Variants in REC8 observed in about 807,000 individuals in gnomAD.
The protein encoded by REC8 is REC8 meiotic recombination protein, also known as meiotic recombination protein REC8 homolog.
A neutral mutation model predicts 78.3 loss-of-function variants in REC8; 42 were observed. That is an observed-to-expected ratio of 0.54 (90% CI 0.42 to 0.69). The LOEUF (loss-of-function observed/expected upper bound fraction) is 0.69, where lower values mean the gene tolerates loss of function less well. Ranked by LOEUF, REC8 falls within the 30% of genes least tolerant of loss-of-function variation. REC8 has a pLI of 0.00. For missense variants in REC8, 581 were observed against 715.8 expected, an observed-to-expected ratio of 0.81 and a Z score of 2.15; for synonymous variants, 268 against 274.1, an observed-to-expected ratio of 0.98 and a Z score of 0.22.
chr14:24,172,953 G>A lies in REC8; in HGVS notation c.180G>A (p.Leu60=), dbSNP rs771866577. Residue 60 remains leucine, a synonymous_variant, in exon 3 of 19, where the codon CTG becomes CTA. Transcript: ENST00000611366. ...GAGTGCAACCCCCGCAGCCCGGCCT[G>A]CCGCGGCCCCGCTTCTCCCTCTATC... is the stretch of plus-strand genomic sequence containing the variant. ...LVRVQPPQPG[L]PRPRFSLYLS... 6.2e-7 allele frequency: 1 copy of A among 1,610,376 alleles called. No homozygotes were observed. The highest frequency in any genetic ancestry group is 8.5e-7 in the Non-Finnish European group (1 of 1,180,012).
intron 15 of REC8, 114 bp downstream of exon 15, chr14:24,179,247 A>C: frequency 8.3e-7 from 1 of 1,205,336 alleles, no homozygotes; most frequent in Non-Finnish European, 1.2e-6. Flanking sequence ...GTGTGACATA[A>C]GGAAGCACGG....
downstream of REC8, chr14:24,180,487 A>AGGCAGTGAGCCCAGAGCTGCTT: frequency 6.2e-7 from 1 of 1,613,868 alleles, no homozygotes; most frequent in Non-Finnish European, 8.5e-7. Flanking sequence ...CCTTGTCAAC[A>AGGCAGTGAGCCCAGAGCTGCTT]GGCAGTGAGC....
In REC8 at chr14:24,172,502, CA is replaced by C. The variant is rs2038709973; in HGVS notation, c.-50del. On this transcript the variant is annotated 5_prime_UTR_variant, in exon 1 of 19. Transcript: ENST00000611366. ...TTCTGTGCCCTAAAGAATTCCGACT[CA>C]GATCCGAACGGGGATCTGGTGGAAT... The C allele has an allele frequency of 6.4e-7, 1 of 1,568,998 alleles. No individual in the cohort carries two copies. The highest frequency in any genetic ancestry group is 8.7e-7 in the Non-Finnish European group (1 of 1,149,194).
At chr14:24,176,354 GCT>G (rs1491480957) in intron 6 of REC8, among the ~76,000 whole-genome samples, 87 of 119,756 alleles carry the variant, frequency 7.3e-4, no homozygotes, top group African/African-American at 2.8e-3. Flanking sequence ...ACCATACTCG[GCT>G]TTTTTTTTTT....
intron 3 of REC8, 42 bp from the exon 4 acceptor site, chr14:24,173,084 G>C (rs1185328536): frequency 6.2e-7 from 1 of 1,612,368 alleles, no homozygotes; most frequent in Non-Finnish European, 8.5e-7. Flanking sequence ...CTGAGCAGCT[G>C]TCTGCTAAGC....
rs777199091 is a variant in REC8, at chr14:24,172,742, T to C, written c.86T>C (p.Val29Ala). ...GCGGCGACTCGCGGCAGCCGGTTGG[T>C]GAAGCGCGAATACCTGAGGGTGAAT... ...WLAATRGSRL[V>A]KREYLRVNVV... The change falls in exon 2 of 19, where the codon GTG (valine) becomes GCG (alanine). Residue 29 changes from valine to alanine, a missense_variant. Coordinates refer to ENST00000611366, the MANE Select transcript of REC8 (RefSeq NM_001048205.2). 3.1e-6 allele frequency: 5 copies of C among 1,614,036 alleles called. No individual in the cohort carries two copies. Among genetic ancestry groups the C allele is most frequent in the Non-Finnish European group, 4.2e-6 (5 of 1,179,982 alleles).
In REC8 at chr14:24,179,429, T is replaced by A; in HGVS notation, c.1285T>A (p.Ser429Thr). 6.2e-7 allele frequency: 1 copy of A among 1,613,986 alleles called. No homozygotes were observed. Among genetic ancestry groups the A allele is most frequent in the Admixed American group, 1.7e-5 (1 of 60,008 alleles). The change falls in exon 16 of 19, where the codon TCC becomes ACC. Residue 429 changes from serine to threonine, a missense_variant. Ser to Thr is a moderately conservative substitution (Grantham distance 58). Coordinates refer to ENST00000611366, the MANE Select transcript of REC8 (RefSeq NM_001048205.2). ...CCTAGAGGCAGCTGAAGAGGAGAAG[T>A]CCCGCATCAGCCTCATCCCACCAGA... ...ISLEAAEEEK[S>T]RISLIPPEER...
Position 24,179,623 on chromosome 14 carries a change from G to T in REC8, c.1348G>T (p.Ala450Ser). The change falls in exon 17 of 19, where the codon GCT (alanine) becomes TCT (serine). Residue 450 changes from alanine to serine, a missense_variant. Transcript: ENST00000611366. ...WAWPEVEAPE[A>S]PALPVVPELP... ...CTGGCCTGAGGTGGAGGCGCCAGAA[G>T]CTCCTGCATTGCCCGTGGTGCCTGA... The T allele has an allele frequency of 6.2e-7, 1 of 1,614,224 alleles. No homozygotes were observed. The highest frequency in any genetic ancestry group is 1.3e-5 in the African/African-American group (1 of 75,070).
rs374819612 is a variant in REC8 at position 24,179,052 on chromosome 14, T to G, written c.1204-33T>G. ...CTTCTGAGGCCCAAGTCCCAGATGC[T>G]TGGGGTCTTAGTTCTACTTCTCCCA... On this transcript the variant is annotated intron_variant, in intron 14 of 18. Transcript: ENST00000611366. The G allele has an allele frequency of 6.2e-6, 10 of 1,609,432 alleles. No homozygotes were observed. In the Admixed American group the frequency reaches 6.7e-5, roughly 11 times the overall value.
chr14:24,179,962 C>G (rs777157025), intron 18 of REC8, 48 bp from the exon 19 acceptor site: 5 of 1,613,942 alleles, frequency 3.1e-6, no homozygotes, highest in Non-Finnish European at 3.4e-6. Context: ...AGACCAGAGG[C>G]CCGTACAGGG....
At chr14:24,177,985 C>T in intron 11 of REC8, 106 bp from the exon 12 acceptor site, 1 of 1,525,950 alleles carries the variant, frequency 6.6e-7, no homozygotes, top group South Asian at 1.3e-5. Flanking sequence ...AAGCCCTCTC[C>T]AGGTTCCTCT....
At position 24,172,320 on chromosome 14, in the gene REC8, G is replaced by C; in HGVS notation, c.-233G>C. On this transcript the variant is annotated 5_prime_UTR_variant, in exon 1 of 19. Transcript: ENST00000611366. ...ATCACGTGGCGTGCGGATCCACTGA[G>C]GGTCCACAGAGAGGGGCGCCCATCT... is the stretch of plus-strand genomic sequence containing the variant. The C allele has an allele frequency of 1.8e-6, 1 of 558,006 alleles. No homozygotes were observed. The highest frequency in any genetic ancestry group is 3.2e-6 in the Non-Finnish European group (1 of 315,696). The allele number at this position is 558,006 out of a possible 1,614,324, so 34.6% of individuals were successfully genotyped here.
chr14:24,175,989 C>T (rs1711523532), intron 6 of REC8, among the ~76,000 whole-genome samples: 1 of 150,828 alleles, frequency 6.6e-6, no homozygotes, highest in Admixed American at 6.6e-5. Flanking sequence ...AGGTGTGAGC[C>T]ACCGTGCCTG....
intron 15 of REC8, 54 bp downstream of exon 15, chr14:24,179,187 G>A: frequency 6.9e-7 from 1 of 1,452,734 alleles, no homozygotes; most frequent in Non-Finnish European, 9.5e-7. Flanking sequence ...ACTGTCCCAG[G>A]AAACTAGTAT....
intron 7 of REC8, 81 bp downstream of exon 7, chr14:24,176,982 G>C: frequency 6.5e-6 from 9 of 1,391,626 alleles, no homozygotes; most frequent in Non-Finnish European, 9.1e-6. Context: ...TGCCTTTTCT[G>C]TCTCCATTTC....
At chr14:24,176,977 T>G (rs2038924909) in intron 7 of REC8, 76 bp downstream of exon 7, 2 of 1,405,824 alleles carry the variant, frequency 1.4e-6, no homozygotes, top group Non-Finnish European at 1.0e-6. Flanking sequence ...AGTCCTGCCT[T>G]TTCTGTCTCC....
At chr14:24,175,160 C>A (rs1007848838) in intron 5 of REC8, among the ~76,000 whole-genome samples, 3 of 152,042 alleles carry the variant, frequency 2.0e-5, no homozygotes, top group African/African-American at 7.2e-5. Flanking sequence ...GCACTGCTAC[C>A]AAGCCCGGCT....
chr14:24,175,427 A>C, intron 5 of REC8, 116 bp from the exon 6 acceptor site: 1 of 805,424 alleles, frequency 1.2e-6, no homozygotes. Context: ...ATGTCAATGC[A>C]ACAAGAATTA....
intron 15 of REC8, 21 bp downstream of exon 15, chr14:24,179,154 C>G: frequency 1.3e-6 from 2 of 1,553,114 alleles, no homozygotes; most frequent in South Asian, 2.3e-5. Flanking sequence ...AGAGAAGAGG[C>G]GCAGTGGGAC....
Sources: allele counts gnomAD v4.1 joint callset (sites outside exome capture counted in the v4.1 genomes callset), GRCh38; gene constraint gnomAD v4.1.1; transcripts MANE v1.5; gene names NCBI Gene and HGNC (gene_info 2026-07-23, HGNC 2026-07-21).